ADAMTS16: variants seen among roughly 807,000 people sequenced by gnomAD.
The protein encoded by ADAMTS16 is A disintegrin and metalloproteinase with thrombospondin motifs 16.
Under a neutral mutation model 145.8 loss-of-function variants are expected in ADAMTS16, and 94 were observed. That is an observed-to-expected ratio of 0.64 (90% CI 0.55 to 0.77). The LOEUF is 0.77. Ranked by LOEUF, ADAMTS16 falls within the 30% of genes least tolerant of loss-of-function variation. ADAMTS16 has a pLI of 0.00. For synonymous variants in ADAMTS16, 659 were observed against 604.3 expected (o/e 1.09, Z -1.33); for missense variants, 1,585 against 1,591.5 (o/e 1.00, Z 0.07).
At chr5:5,232,305 T>G in intron 11 of ADAMTS16, 63 bp from the exon 12 acceptor site, 796 of 1,582,824 alleles carry the variant, frequency 5.0e-4, no homozygotes, top group Non-Finnish European at 6.4e-4. Flanking sequence ...ATAGCAGTGA[T>G]GAGATGAACC....
intron 10 of ADAMTS16, 96 bp downstream of exon 10, chr5:5,209,342 C>G: frequency 1.4e-6 from 2 of 1,420,604 alleles, no homozygotes; most frequent in Non-Finnish European, 1.9e-6. Context: ...TTATTGGGTA[C>G]CTACCAAATG....
chr5:5,219,461 G>A (rs1053224939), intron 10 of ADAMTS16, among the ~76,000 whole-genome samples: 5 of 152,062 alleles, frequency 3.3e-5, no homozygotes, highest in Admixed American at 6.5e-5. Context: ...TCACTTCCAC[G>A]TGTGAATGAG....
intron 17 of ADAMTS16, among the ~76,000 whole-genome samples, chr5:5,257,499 A>G (rs2126419903): frequency 6.6e-6 from 1 of 152,330 alleles, no homozygotes; most frequent in African/African-American, 2.4e-5. Context: ...TGTAATGCAA[A>G]TTGCGACGTA....
chr5:5,156,941 G>A (rs1417389809), intron 3 of ADAMTS16, among the ~76,000 whole-genome samples: 2 of 152,168 alleles, frequency 1.3e-5, no homozygotes, highest in African/African-American at 2.4e-5. Context: ...GCCATGAGCC[G>A]CAGCAGTGAA....
chr5:5,265,118 G>A (rs2913661), intron 18 of ADAMTS16, among the ~76,000 whole-genome samples: 42,627 of 152,164 alleles, frequency 0.28, 6,040 homozygotes, highest in East Asian at 0.37. Context: ...GGCTGAGGCA[G>A]AATGTAGCAT....
At chr5:5,204,856 G>T (rs377344936) in intron 9 of ADAMTS16, among the ~76,000 whole-genome samples, 58 of 152,292 alleles carry the variant, frequency 3.8e-4, no homozygotes, top group African/African-American at 1.3e-3. Flanking sequence ...CTAAGTAGCT[G>T]TGTGAAGTTA....
intron 10 of ADAMTS16, among the ~76,000 whole-genome samples, chr5:5,220,628 G>C (rs13170100): frequency 0.44 from 67,289 of 151,864 alleles, 16,177 homozygotes; most frequent in East Asian, 0.65. Context: ...AAGCGAGAAA[G>C]GAAAGGTGCA....
intron 3 of ADAMTS16, among the ~76,000 whole-genome samples, chr5:5,148,765 C>A (rs1252658849): frequency 2.0e-5 from 3 of 152,160 alleles, no homozygotes; most frequent in African/African-American, 7.2e-5. Flanking sequence ...ACCTTGAGAA[C>A]TATGTATGGC....
At chr5:5,201,864 C>T (rs756418233) in intron 9 of ADAMTS16, among the ~76,000 whole-genome samples, 10 of 152,180 alleles carry the variant, frequency 6.6e-5, no homozygotes, top group African/African-American at 9.7e-5. Context: ...AGTTCTCAAC[C>T]GGCCTCTCTG....
chr5:5,218,664 G>A (rs554180164), intron 10 of ADAMTS16, among the ~76,000 whole-genome samples: 2 of 152,188 alleles, frequency 1.3e-5, no homozygotes, highest in Non-Finnish European at 2.9e-5. Context: ...CACCCCTGTG[G>A]CCTCAAAGAT....
At chr5:5,151,217 T>TTC (rs1389541495) in intron 3 of ADAMTS16, among the ~76,000 whole-genome samples, 4 of 58,032 alleles carry the variant, frequency 6.9e-5, no homozygotes, top group Non-Finnish European at 1.4e-4. Flanking sequence ...TCTTTTCTCT[T>TTC]ATTTATTTAT....
chr5:5,226,816 C>A (rs1181914827), intron 11 of ADAMTS16, among the ~76,000 whole-genome samples: 1 of 152,146 alleles, frequency 6.6e-6, no homozygotes, highest in Non-Finnish European at 1.5e-5. Context: ...TCAAAACAGC[C>A]CTACAGGTGA....
Position 5,304,878 on chromosome 5 carries a change from A to G in ADAMTS16, c.3186+1112A>G, listed in dbSNP as rs188931591. On this transcript the variant is annotated intron_variant, in intron 20 of 22. Coordinates refer to ENST00000274181, the MANE Select transcript of ADAMTS16 (RefSeq NM_139056.4). ...CTAGAGGCAGAGTCTACAGAAAATA[A>G]GCGATGTGGGCTGCATAATCTATGG... Among the ~76,000 whole-genome samples the G allele has an allele frequency of 4.2e-3, 636 of 152,070 alleles. 6 individuals are homozygous for G. The highest frequency in any genetic ancestry group is 0.013 in the African/African-American group (554 of 41,416).
Position 5,143,416 on chromosome 5 carries a change from AAAC to A in ADAMTS16, c.175+2657_175+2659del, listed in dbSNP as rs1472230042. Among the ~76,000 whole-genome samples the A allele has an allele frequency of 3.7e-4, 57 of 152,378 alleles. 1 individual carries two copies. The highest frequency in any genetic ancestry group is 2.2e-3 in the Admixed American group (34 of 15,308). On this transcript the variant is annotated intron_variant, in intron 2 of 22. Transcript: ENST00000274181. ...TTGGTCATTAGAGAAATGCAAATCA[AAAC>A]AACAACGAGATACCATCTCACGCCA... is the stretch of plus-strand genomic sequence containing the variant.
intron 18 of ADAMTS16, among the ~76,000 whole-genome samples, chr5:5,273,531 G>A (rs1738565913): frequency 1.3e-5 from 2 of 152,158 alleles, no homozygotes; most frequent in Admixed American, 6.5e-5. Flanking sequence ...ATAAATAAAT[G>A]TATGAAATAA....
chr5:5,275,515 CTA>C (rs1317028269), intron 18 of ADAMTS16, among the ~76,000 whole-genome samples: 2 of 152,094 alleles, frequency 1.3e-5, no homozygotes, highest in African/African-American at 4.8e-5. Context: ...TGAGAGAAGT[CTA>C]TTAAAATTTC....
chr5:5,278,259 G>A lies in ADAMTS16; in HGVS notation c.2789+15476G>A, dbSNP rs1738775368. ...TCCAGTGACTTTGGTTCTCCATTCT[G>A]GTATTCTGATATTTGGAAATAACAT... On this transcript the variant is annotated intron_variant, in intron 18 of 22. Coordinates refer to ENST00000274181, the MANE Select transcript of ADAMTS16 (RefSeq NM_139056.4). 3.3e-5 allele frequency among the ~76,000 whole-genome samples: 5 copies of A among 152,050 alleles called. No individual in the cohort carries two copies. The South Asian group carries it at 8.3e-4, about 25-fold the overall frequency.
At chr5:5,215,501 T>C (rs1194850968) in intron 10 of ADAMTS16, among the ~76,000 whole-genome samples, 3 of 151,986 alleles carry the variant, frequency 2.0e-5, no homozygotes, top group Non-Finnish European at 2.9e-5. Context: ...CCTCCCTCTC[T>C]TCAGTCCCCA....
intron 10 of ADAMTS16, among the ~76,000 whole-genome samples, chr5:5,220,796 A>G (rs1359559294): frequency 6.6e-6 from 1 of 151,960 alleles, no homozygotes; most frequent in Non-Finnish European, 1.5e-5. Flanking sequence ...TCTGCTTGCA[A>G]AATTCACCCT....
Sources: gnomAD v4.1 joint callset for allele counts (sites outside exome capture counted in the v4.1 genomes callset) on GRCh38, gnomAD v4.1.1 for gene constraint, MANE v1.5 for transcripts, NCBI Gene and HGNC (gene_info 2026-07-23, HGNC 2026-07-21) for gene names.